MFAP5: variants seen among roughly 807,000 people sequenced by gnomAD.
The protein encoded by MFAP5 is microfibrillar-associated protein 5.
Under a neutral mutation model 30.1 loss-of-function variants are expected in MFAP5, and 19 were observed. The ratio of observed to expected loss-of-function variants is 0.63; its 90% CI spans 0.44 to 0.93. The LOEUF (loss-of-function observed/expected upper bound fraction) is 0.93, where lower values mean the gene tolerates loss of function less well. Among genes scored for constraint, MFAP5 ranks in the 40% least tolerant of loss-of-function variants. The pLI, the probability that MFAP5 is intolerant of heterozygous loss-of-function variation, is 0.00. For synonymous variants in MFAP5, 92 were observed against 72.9 expected, an observed-to-expected ratio of 1.26 and a Z score of -1.33; for missense variants, 210 against 221.3, an observed-to-expected ratio of 0.95 and a Z score of 0.32.
intron 4 of MFAP5, 96 bp downstream of exon 4, chr12:8,655,690 C>T (rs1941962675): frequency 4.9e-6 from 7 of 1,431,898 alleles, no homozygotes; most frequent in Non-Finnish European, 6.7e-6. Flanking sequence ...CACCCTCCAA[C>T]CCTTCTGAAG....
intron 6 of MFAP5, chr12:8,654,166 C>A: frequency 1.5e-5 from 5 of 326,018 alleles, no homozygotes; most frequent in East Asian, 1.0e-4. Context: ...AGCATTACTT[C>A]TTCTACCCTT....
chr12:8,657,446 TAAC>T (rs1942033313), intron 3 of MFAP5, among the ~76,000 whole-genome samples: 2 of 151,172 alleles, frequency 1.3e-5, no homozygotes, highest in Non-Finnish European at 2.9e-5. Context: ...ATAATAGTAA[TAAC>T]AATAAAATAA....
chr12:8,648,206 A>G lies in MFAP5; in HGVS notation c.410-3T>C, dbSNP rs1941737381. ...AGCCATCTGACGGCAAAGCTCATCT[A>G]GAAGAGAAGCAGAACATCATGGGAA... On this transcript the variant is annotated splice_region_variant and splice_polypyrimidine_tract_variant and intron_variant, in intron 9 of 9. Transcript: ENST00000359478. 6.2e-7 allele frequency: 1 copy of G among 1,608,298 alleles called. No homozygotes were observed. The highest frequency in any genetic ancestry group is 8.5e-7 in the Non-Finnish European group (1 of 1,174,816).
intron 3 of MFAP5, among the ~76,000 whole-genome samples, chr12:8,659,680 A>T (rs1245765330): frequency 6.6e-6 from 1 of 152,092 alleles, no homozygotes; most frequent in South Asian, 2.1e-4. Context: ...CAGAAAAAAA[A>T]TTTTTGTATT....
intron 6 of MFAP5, among the ~76,000 whole-genome samples, chr12:8,653,153 T>C (rs1941885361): frequency 6.6e-6 from 1 of 150,416 alleles, no homozygotes; most frequent in African/African-American, 2.4e-5. Flanking sequence ...GATCGCGCTA[T>C]TGCACTCCAG....
chr12:8,650,565 C>T lies in MFAP5; in HGVS notation c.272G>A (p.Cys91Tyr), dbSNP rs1443899571. The part of the protein sequence containing the change: ...TAECWDEKFT[C>Y]TRLYSVHRPV... ...CCGATGCACAGAGTAGAGCCTTGTG[C>T]AGGTAAATTTCTCATCCCAGCACTC... is the stretch of plus-strand genomic sequence containing the variant. The change falls in exon 8 of 10, where the codon TGC becomes TAC. Residue 91 changes from cysteine (C) to tyrosine (Y), a missense_variant. Coordinates refer to ENST00000359478, the MANE Select transcript of MFAP5 (RefSeq NM_003480.4). 6.2e-7 allele frequency: 1 copy of T among 1,613,820 alleles called. No individual in the cohort carries two copies. Among genetic ancestry groups the T allele is most frequent in the Non-Finnish European group, 8.5e-7 (1 of 1,180,018 alleles).
intron 2 of MFAP5, 137 bp downstream of exon 2, chr12:8,661,910 T>G (rs1314519487): frequency 1.1e-6 from 1 of 881,118 alleles, no homozygotes; most frequent in Admixed American, 2.1e-5. Flanking sequence ...AATCTGTTCT[T>G]CTAATAGGAA....
chr12:8,661,573 G>A (rs1359043727), intron 2 of MFAP5, among the ~76,000 whole-genome samples: 6 of 150,608 alleles, frequency 4.0e-5, no homozygotes, highest in African/African-American at 1.5e-4. Context: ...ATGGAGATGA[G>A]GTTAACTCAT....
At chr12:8,650,655 G>T in intron 7 of MFAP5, 66 bp from the exon 8 acceptor site, 1 of 1,373,982 alleles carries the variant, frequency 7.3e-7, no homozygotes, top group Admixed American at 1.7e-5. Context: ...AAGGATTGAA[G>T]GAATTGGGAA....
rs929554127 is a variant in MFAP5, at chr12:8,646,221, T to G, written c.*1870A>C. 6.6e-6 allele frequency: 1 copy of G among 152,376 alleles called. No homozygotes were observed. Among genetic ancestry groups the G allele is most frequent in the Non-Finnish European group, 1.5e-5 (1 of 68,034 alleles). 9.4% of individuals were successfully genotyped at this position (152,376 alleles called of 1,614,324 possible). Reference sequence around the variant, plus strand: ...ACTGTAAGGAGTAGAGATTATATGCTTTGGGGCTTTTTGTAGCATTTTTTT... The same window carrying G: ...ACTGTAAGGAGTAGAGATTATATGCGTTGGGGCTTTTTGTAGCATTTTTTT... On this transcript the variant is annotated 3_prime_UTR_variant, in exon 10 of 10. Transcript: ENST00000359478.
intron 5 of MFAP5, among the ~76,000 whole-genome samples, chr12:8,654,892 G>C (rs1227715949): frequency 6.6e-6 from 1 of 150,776 alleles, no homozygotes; most frequent in Admixed American, 6.6e-5. Flanking sequence ...TGTGAGCTGA[G>C]GTTGTGCTGC....
At position 8,651,801 on chromosome 12, in the gene MFAP5, C is replaced by A. The variant is rs1016439048; in HGVS notation, c.218-110G>T. 1.2e-4 allele frequency: 110 copies of A among 936,854 alleles called. No homozygotes were observed. The East Asian group carries it at 2.6e-3, about 22-fold the overall frequency. 58.0% of individuals were successfully genotyped at this position (936,854 alleles called of 1,614,324 possible). Reference sequence around the variant, plus strand: ...GCTTGGAGTGCCCATAAATAGGGAGCAAATGAATTAATAACTCTTAGCAAC... The same window carrying A: ...GCTTGGAGTGCCCATAAATAGGGAGAAAATGAATTAATAACTCTTAGCAAC... On this transcript the variant is annotated intron_variant, in intron 6 of 9. Transcript: ENST00000359478.
At chr12:8,648,285 C>A in intron 9 of MFAP5, 82 bp from the exon 10 acceptor site, 1 of 1,204,714 alleles carries the variant, frequency 8.3e-7, no homozygotes, top group East Asian at 2.5e-5. Context: ...GAAGACTTTT[C>A]AGTGTGGTGT....
intron 3 of MFAP5, among the ~76,000 whole-genome samples, chr12:8,659,480 C>T (rs1364518040): frequency 6.6e-6 from 1 of 152,076 alleles, no homozygotes; most frequent in Non-Finnish European, 1.5e-5. Flanking sequence ...GCGAGAAAAG[C>T]ATCTAAAGTC....
At chr12:8,648,633 A>G (rs1565521428) in intron 9 of MFAP5, 2 of 816,924 alleles carry the variant, frequency 2.4e-6, no homozygotes, top group South Asian at 1.5e-5. Flanking sequence ...TAACTTTAGG[A>G]AGTCCCTTGA....
At position 8,656,670 on chromosome 12, in the gene MFAP5, T is replaced by TATA. The variant is rs1565526957; in HGVS notation, c.95-841_95-840insTAT. Among the ~76,000 whole-genome samples the TATA allele has an allele frequency of 2.4e-4, 27 of 111,528 alleles. No individual in the cohort carries two copies. The South Asian group carries it at 5.0e-3, about 21-fold the overall frequency. 73.2% of individuals were successfully genotyped at this position (111,528 alleles called of 152,430 possible). On this transcript the variant is annotated intron_variant, in intron 3 of 9. Coordinates refer to ENST00000359478, the MANE Select transcript of MFAP5 (RefSeq NM_003480.4). Reference sequence around the variant, plus strand: ...CACACATATATATATATATATATATTTTTTTTTTTTGAGACAGAGTCTGGC... The same window carrying TATA: ...CACACATATATATATATATATATATTATATTTTTTTTTTGAGACAGAGTCTGGC...
At chr12:8,661,752 G>A (rs1227591699) in intron 2 of MFAP5, among the ~76,000 whole-genome samples, 1 of 151,856 alleles carries the variant, frequency 6.6e-6, no homozygotes, top group Non-Finnish European at 1.5e-5. Flanking sequence ...TTTTTGCTTT[G>A]CAATTTGTTT....
rs1326166532 is a variant in MFAP5 at position 8,647,330 on chromosome 12, C to T, written c.*761G>A. 1 of 152,206 alleles carries T rather than the reference C, an allele frequency of 6.6e-6. No homozygotes were observed. The highest frequency in any genetic ancestry group is 1.5e-5 in the Non-Finnish European group (1 of 68,030). The allele number at this position is 152,206 out of a possible 1,614,324, so 9.4% of individuals were successfully genotyped here. A position where few individuals can be genotyped will look rare whatever the true frequency, so the allele number is the denominator to read the frequency against. On this transcript the variant is annotated 3_prime_UTR_variant, in exon 10 of 10. Coordinates refer to ENST00000359478, the MANE Select transcript of MFAP5 (RefSeq NM_003480.4). Reference sequence around the variant, plus strand: ...ATCCCGGTACTACCCATAAACGAATCAGTAAATGAGACTTAGTTTCCAACC... The same window carrying T: ...ATCCCGGTACTACCCATAAACGAATTAGTAAATGAGACTTAGTTTCCAACC...
chr12:8,651,893 G>T, intron 6 of MFAP5: 2 of 548,510 alleles, frequency 3.6e-6, no homozygotes, highest in South Asian at 2.2e-5. Flanking sequence ...AGGCAGGATG[G>T]GATTTTTTTC....
Sources: gnomAD v4.1 joint callset for allele counts (sites outside exome capture counted in the v4.1 genomes callset) on GRCh38, gnomAD v4.1.1 for gene constraint, MANE v1.5 for transcripts, NCBI Gene and HGNC (gene_info 2026-07-23, HGNC 2026-07-21) for gene names.